UNC5A: variants seen among roughly 807,000 people sequenced by gnomAD.
The protein encoded by UNC5A is netrin receptor UNC5A.
In UNC5A, 20 loss-of-function variants were observed where a neutral mutation model predicts 87.4. That is an observed-to-expected ratio of 0.23 (90% confidence interval 0.16 to 0.33). The LOEUF is 0.33. Ranked by LOEUF, UNC5A falls within the 10% of genes least tolerant of loss-of-function variation. The pLI is 1.00. For synonymous variants in UNC5A, 438 were observed against 482.3 expected, an observed-to-expected ratio of 0.91 and a Z score of 1.20; for missense variants, 844 against 1,133.4, an observed-to-expected ratio of 0.74 and a Z score of 3.67.
At chr5:176,819,101 T>G (rs918118897) in intron 1 of UNC5A, among the ~76,000 whole-genome samples, 1 of 152,180 alleles carries the variant, frequency 6.6e-6, no homozygotes, top group Non-Finnish European at 1.5e-5. Flanking sequence ...TTCAGTTGGT[T>G]AAGACAGGGC....
chr5:176,831,081 C>G (rs963972441), intron 1 of UNC5A, among the ~76,000 whole-genome samples: 47 of 152,092 alleles, frequency 3.1e-4, no homozygotes, highest in African/African-American at 1.1e-3. Context: ...TGTTGCCCCA[C>G]CCCCCACCTC....
intron 1 of UNC5A, among the ~76,000 whole-genome samples, chr5:176,825,390 C>T (rs558345032): frequency 2.6e-5 from 4 of 152,230 alleles, no homozygotes; most frequent in South Asian, 4.2e-4. Flanking sequence ...AAGGACCCGC[C>T]GATGAGGCCT....
At chr5:176,843,957 G>A (rs748443202) in intron 1 of UNC5A, among the ~76,000 whole-genome samples, 2 of 152,266 alleles carry the variant, frequency 1.3e-5, no homozygotes, top group Non-Finnish European at 2.9e-5. Flanking sequence ...TCAGCGACAC[G>A]TTAGCAAGAA....
intron 1 of UNC5A, among the ~76,000 whole-genome samples, chr5:176,851,491 A>G (rs1229639173): frequency 6.6e-6 from 1 of 152,218 alleles, no homozygotes; most frequent in Non-Finnish European, 1.5e-5. Flanking sequence ...CATATGTGGG[A>G]CAGGGTCTTT....
chr5:176,861,119 C>T (rs531506556), intron 1 of UNC5A, among the ~76,000 whole-genome samples: 1 of 152,356 alleles, frequency 6.6e-6, no homozygotes, highest in South Asian at 2.1e-4. Flanking sequence ...GCCTCAGTTT[C>T]CTTGTTGGCT....
At chr5:176,854,140 G>A (rs1163523666) in intron 1 of UNC5A, among the ~76,000 whole-genome samples, 2 of 152,102 alleles carry the variant, frequency 1.3e-5, no homozygotes, top group Non-Finnish European at 2.9e-5. Context: ...CCTCCAGGCA[G>A]GTTCATACCT....
At chr5:176,861,540 C>T (rs1286080890) in intron 1 of UNC5A, among the ~76,000 whole-genome samples, 1 of 152,184 alleles carries the variant, frequency 6.6e-6, no homozygotes, top group Admixed American at 6.5e-5. Flanking sequence ...CGTATGTGCC[C>T]CTCGGTGGGT....
intron 6 of UNC5A, among the ~76,000 whole-genome samples, chr5:176,872,514 C>A (rs1383939500): frequency 2.2e-5 from 1 of 45,430 alleles, no homozygotes. Flanking sequence ...TGCCCACACT[C>A]GCCCCAACAC....
At chr5:176,827,222 G>A (rs1241286888) in intron 1 of UNC5A, among the ~76,000 whole-genome samples, 22 of 119,146 alleles carry the variant, frequency 1.8e-4, no homozygotes, top group South Asian at 1.3e-3. Flanking sequence ...TTACTCTGTC[G>A]CCCAGGCTGG....
rs764752380 is a variant in UNC5A at position 176,878,331 on chromosome 5, C to T, written c.1957C>T (p.Arg653Cys). 14 of 1,613,540 alleles carry T rather than the reference C, an allele frequency of 8.7e-6. No homozygotes were observed. The highest frequency in any genetic ancestry group is 1.2e-5 in the Non-Finnish European group (14 of 1,180,034). Residue 653 changes from arginine (R) to cysteine (C), a missense_variant, in exon 12 of 15, where the codon CGC becomes TGC. Arg to Cys is a radical substitution (Grantham distance 180). Transcript: ENST00000329542. ...LHFKDSYHNL[R>C]LSIHDVPSSL... is the part of the protein sequence containing the mutation. ...CTTCAAGGACAGTTACCACAACCTG[C>T]GCCTATCCATCCACGATGTGCCCAG...
rs369918620 is a variant in UNC5A at position 176,879,451 on chromosome 5, G to C, written c.2326G>C (p.Asp776His). Reference sequence around the variant, plus strand: ...GGACCCACCCTGTAGGCGGGGTGCCGACTGGCGGACTCTGGCCCAGAAACT... The same window carrying C: ...GGACCCACCCTGTAGGCGGGGTGCCCACTGGCGGACTCTGGCCCAGAAACT... ...SLDPPCRRGADWRTLAQKLHL... is the reference protein window; with the variant it reads ...SLDPPCRRGAHWRTLAQKLHL... Residue 776 changes from aspartate to histidine, a missense_variant, in exon 14 of 15, where the codon GAC becomes CAC. Asp to His is a moderately conservative substitution (Grantham distance 81). Coordinates refer to ENST00000329542, the MANE Select transcript of UNC5A (RefSeq NM_133369.3). 1 of 1,611,392 alleles carries C rather than the reference G, an allele frequency of 6.2e-7. No homozygotes were observed. Among genetic ancestry groups the C allele is most frequent in the Admixed American group, 1.7e-5 (1 of 59,870 alleles).
At chr5:176,847,333 G>T (rs1005759782) in intron 1 of UNC5A, among the ~76,000 whole-genome samples, 2 of 152,208 alleles carry the variant, frequency 1.3e-5, no homozygotes, top group African/African-American at 2.4e-5. Context: ...TTGTGCACAC[G>T]CATGTGGTCC....
chr5:176,875,916 C>T lies in UNC5A; in HGVS notation c.1379-1276C>T, dbSNP rs1758250517. Among the ~76,000 whole-genome samples the T allele has an allele frequency of 6.6e-6, 1 of 152,228 alleles. No homozygotes were observed. Among genetic ancestry groups the T allele is most frequent in the Admixed American group, 6.5e-5 (1 of 15,288 alleles). On this transcript the variant is annotated intron_variant, in intron 8 of 14. Transcript: ENST00000329542. The surrounding 1 kb of genome is among the most constrained non-coding windows in gnomAD (Gnocchi z 5.2). ...TCACGTCCACACGGATGATAACGAA[C>T]CCCTCATGGGGCTGTTGGGATGACG...
intron 1 of UNC5A, among the ~76,000 whole-genome samples, chr5:176,857,990 G>A (rs1757707792): frequency 6.6e-6 from 1 of 152,174 alleles, no homozygotes; most frequent in African/African-American, 2.4e-5. Context: ...CTGCTGTCCT[G>A]CAGGCCCACG....
chr5:176,851,269 T>C (rs1017225326), intron 1 of UNC5A, among the ~76,000 whole-genome samples: 2 of 152,218 alleles, frequency 1.3e-5, no homozygotes, highest in Non-Finnish European at 2.9e-5. Flanking sequence ...AAGTTCACCA[T>C]GGCTGTCGTT....
In UNC5A at chr5:176,879,536, C is replaced by G. The variant is rs764252152; in HGVS notation, c.2363+48C>G. ...GGGCCTGCGCAGGCCACCGACAGTC[C>G]TGCCCGGCGGCGGGGTGGGTGAGGT... is the stretch of plus-strand genomic sequence containing the variant. On this transcript the variant is annotated intron_variant, in intron 14 of 14. Coordinates refer to ENST00000329542, the MANE Select transcript of UNC5A (RefSeq NM_133369.3). The G allele has an allele frequency of 7.7e-6, 12 of 1,560,662 alleles. No individual in the cohort carries two copies. In the Admixed American group the frequency reaches 2.1e-4, roughly 27 times the overall value.
chr5:176,855,477 C>G (rs2113641512), intron 1 of UNC5A, among the ~76,000 whole-genome samples: 1 of 152,320 alleles, frequency 6.6e-6, no homozygotes, highest in South Asian at 2.1e-4. Flanking sequence ...GACCACGTGG[C>G]CTGCATGGTG....
intron 1 of UNC5A, among the ~76,000 whole-genome samples, chr5:176,850,768 A>T (rs1237207341): frequency 6.6e-6 from 1 of 152,080 alleles, no homozygotes; most frequent in Non-Finnish European, 1.5e-5. Flanking sequence ...TTGTATGAGG[A>T]GGGGTCCAAG....
Position 176,878,137 on chromosome 5 carries a change from G to A in UNC5A, c.1869+10G>A, listed in dbSNP as rs146192569. The A allele has an allele frequency of 1.9e-4, 306 of 1,605,478 alleles. 2 individuals carry two copies. The East Asian group carries it at 6.5e-3, about 34-fold the overall frequency. On this transcript the variant is annotated intron_variant, in intron 11 of 14. Coordinates refer to ENST00000329542, the MANE Select transcript of UNC5A (RefSeq NM_133369.3). ...CCACGATGCACTCAAGGTATCTCCC[G>A]CCCCTCACCCCCCGCCGCTGGGAGG...
Sources: gnomAD v4.1 joint callset for allele counts (sites outside exome capture counted in the v4.1 genomes callset) on GRCh38, gnomAD v4.1.1 for gene constraint, Gnocchi (gnomAD v3.1) non-coding constraint, MANE v1.5 for transcripts, NCBI Gene and HGNC (gene_info 2026-07-23, HGNC 2026-07-21) for gene names.